The following TAB2 variants were observed in gnomAD, a reference collection of about 807,000 sequenced individuals.
TAB2 encodes the protein TGF-beta activated kinase 1 (MAP3K7) binding protein 2.
TAB2 carries 3 observed loss-of-function variants against 65.0 expected under a neutral mutation model. The ratio of observed to expected loss-of-function variants is 0.05; its 90% CI spans 0.02 to 0.12. The LOEUF (loss-of-function observed/expected upper bound fraction) is 0.12, where lower values mean the gene tolerates loss of function less well. TAB2 is among the 10% of genes least tolerant of loss of function. The pLI is 1.00. For synonymous variants in TAB2, 298 were observed against 285.1 expected (o/e 1.05, Z -0.46); for missense variants, 623 against 840.3 (o/e 0.74, Z 3.20).
intron 1 of TAB2, among the ~76,000 whole-genome samples, chr6:149,357,180 G>A (rs1199792324): frequency 1.3e-5 from 2 of 152,098 alleles, no homozygotes; most frequent in African/African-American, 4.8e-5. Flanking sequence ...CACTTTGGGA[G>A]GCTGAGGCAG....
Position 149,378,245 on chromosome 6 carries a change from A to G in TAB2, c.330A>G (p.Gly110=), listed in dbSNP as rs1781472392. 6.2e-7 allele frequency: 1 copy of G among 1,614,220 alleles called. No individual in the cohort carries two copies. Among genetic ancestry groups the G allele is most frequent in the Non-Finnish European group, 8.5e-7 (1 of 1,180,036 alleles). ...CTCTAACGCACAGCATTAGTGATGG[A>G]CAACTTCAAGGTGGCCAGTCCAATA... ...SRTLTHSISD[G]QLQGGQSNSE... Residue 110 remains glycine, a synonymous_variant, in exon 3 of 7, where the codon GGA becomes GGG. Transcript: ENST00000637181.
At chr6:149,228,097 G>T (rs904750928) in intron 1 of TAB2, among the ~76,000 whole-genome samples, 1 of 151,942 alleles carries the variant, frequency 6.6e-6, no homozygotes, top group African/African-American at 2.4e-5. Flanking sequence ...ATTAAGCCCA[G>T]CGCCAAGTCA....
chr6:149,289,306 T>C (rs575895032), intron 1 of TAB2, among the ~76,000 whole-genome samples: 1 of 151,978 alleles, frequency 6.6e-6, no homozygotes, highest in African/African-American at 2.4e-5. Flanking sequence ...GGCAGGAGGA[T>C]TGCTTGAGCC....
At chr6:149,336,310 C>T (rs781457551) in intron 1 of TAB2, among the ~76,000 whole-genome samples, 91 of 152,246 alleles carry the variant, frequency 6.0e-4, no homozygotes, top group Middle Eastern at 6.8e-3. Context: ...TAGAGGTGAA[C>T]TATAAGCCTA....
chr6:149,398,003 G>C lies in TAB2; in HGVS notation c.1799G>C (p.Arg600Thr). 1 of 1,613,714 alleles carries C rather than the reference G, an allele frequency of 6.2e-7. No homozygotes were observed. Among genetic ancestry groups the C allele is most frequent in the Non-Finnish European group, 8.5e-7 (1 of 1,179,882 alleles). The change falls in exon 5 of 7, where the codon AGA (arginine) becomes ACA (threonine). Residue 600 changes from arginine to threonine, a missense_variant. Physicochemically the swap from Arg to Thr is moderately conservative, Grantham distance 71. Transcript: ENST00000637181. ...EEMQQLRSCN[R>T]QLQIDIDCLT... ...ATGCAGCAGCTGAGAAGTTGTAATA[G>C]ACAACTCCAGATTGACATTGACTGC...
rs750855114 is a variant in TAB2 at position 149,409,549 on chromosome 6, TATAAA to T, written c.1940-23_1940-19del. 5.0e-6 allele frequency: 8 copies of T among 1,603,848 alleles called. No homozygotes were observed. The Admixed American group carries it at 8.3e-5, about 17-fold the overall frequency. On this transcript the variant is annotated intron_variant, in intron 6 of 6. Transcript: ENST00000637181. Reference sequence around the variant, plus strand: ...TTTTTAGACTTTGTGATTTTTTACTTATAAAATAATTTTTTTCTTTCTTACAGATC... The same window carrying T: ...TTTTTAGACTTTGTGATTTTTTACTTATAATTTTTTTCTTTCTTACAGATC...
At chr6:149,358,387 T>G (rs896752527) in intron 1 of TAB2, among the ~76,000 whole-genome samples, 2 of 152,192 alleles carry the variant, frequency 1.3e-5, no homozygotes, top group Non-Finnish European at 2.9e-5. Context: ...CATGCTCGCA[T>G]CCTGTTGAAC....
At chr6:149,316,826 G>A (rs977330221), upstream of TAB2, among the ~76,000 whole-genome samples, 29 of 152,202 alleles carry the variant, frequency 1.9e-4, no homozygotes, top group African/African-American at 6.7e-4. Flanking sequence ...CTCAAGAAAA[G>A]TCAGAAGCCG....
intron 1 of TAB2, among the ~76,000 whole-genome samples, chr6:149,324,101 C>A (rs1779530227): frequency 6.6e-6 from 1 of 152,016 alleles, no homozygotes. Flanking sequence ...AAATGGAATT[C>A]TTGTTTCACT....
At chr6:149,254,033 A>AAGAG (rs1214263917) in intron 1 of TAB2, among the ~76,000 whole-genome samples, 3 of 149,028 alleles carry the variant, frequency 2.0e-5, no homozygotes. Flanking sequence ...AAAAGAAAGA[A>AAGAG]AGAGAGAAAG....
intron 1 of TAB2, among the ~76,000 whole-genome samples, chr6:149,358,672 G>GTT (rs1780750115): frequency 1.3e-5 from 2 of 151,118 alleles, no homozygotes; most frequent in African/African-American, 2.4e-5. Context: ...GTGTGTGTGT[G>GTT]TTTTCAGTAT....
At chr6:149,306,964 A>G (rs1170623110) in intron 1 of TAB2, among the ~76,000 whole-genome samples, 2 of 152,328 alleles carry the variant, frequency 1.3e-5, no homozygotes, top group Non-Finnish European at 2.9e-5. Context: ...TGGCCCCCAC[A>G]TAACAGTAAT....
chr6:149,339,279 C>T (rs563968028), intron 1 of TAB2, among the ~76,000 whole-genome samples: 4 of 152,114 alleles, frequency 2.6e-5, no homozygotes, highest in African/African-American at 9.6e-5. Context: ...AGGAGAATCG[C>T]TTGAAGTGGG....
intron 1 of TAB2, among the ~76,000 whole-genome samples, chr6:149,283,809 A>AG (rs1778620157): frequency 6.6e-6 from 1 of 152,176 alleles, no homozygotes; most frequent in Non-Finnish European, 1.5e-5. Context: ...AGGGCTGGGT[A>AG]GGGGACTCTG....
chr6:149,367,110 A>G (rs1429240204), intron 1 of TAB2, among the ~76,000 whole-genome samples: 3 of 152,182 alleles, frequency 2.0e-5, no homozygotes, highest in Admixed American at 6.6e-5. Context: ...GAGATAGAAC[A>G]GTGAACTTCA....
At chr6:149,409,131 C>G (rs1430417211) in intron 6 of TAB2, among the ~76,000 whole-genome samples, 1 of 152,100 alleles carries the variant, frequency 6.6e-6, no homozygotes. Context: ...AGATGGAGAA[C>G]ATGAATTGAC....
chr6:149,258,586 T>C (rs959725008), intron 1 of TAB2, among the ~76,000 whole-genome samples: 4 of 152,244 alleles, frequency 2.6e-5, no homozygotes, highest in Admixed American at 2.0e-4. Flanking sequence ...GAAGCATCCA[T>C]TTTTATACAA....
chr6:149,240,469 C>T (rs1350287763), intron 1 of TAB2, among the ~76,000 whole-genome samples: 2 of 152,110 alleles, frequency 1.3e-5, no homozygotes, highest in South Asian at 2.1e-4. Flanking sequence ...CAGATGCCTT[C>T]GGGAGAGTTT....
At chr6:149,338,351 T>C (rs1779996216) in intron 1 of TAB2, among the ~76,000 whole-genome samples, 1 of 152,216 alleles carries the variant, frequency 6.6e-6, no homozygotes, top group African/African-American at 2.4e-5. Flanking sequence ...TTGTGGACTG[T>C]ATTGACTGTA....
Sources: allele counts gnomAD v4.1 joint callset (sites outside exome capture counted in the v4.1 genomes callset), GRCh38; gene constraint gnomAD v4.1.1; transcripts MANE v1.5; gene names NCBI Gene and HGNC (gene_info 2026-07-23, HGNC 2026-07-21).